Variants in FRMD4A observed in about 807,000 individuals in gnomAD.
FRMD4A encodes the protein FERM domain containing 4A.
A neutral mutation model predicts 129.1 loss-of-function variants in FRMD4A; 29 were observed. The ratio of observed to expected loss-of-function variants is 0.22; its 90% confidence interval spans 0.17 to 0.31. The LOEUF (loss-of-function observed/expected upper bound fraction) is 0.31, where lower values mean the gene tolerates loss of function less well. FRMD4A is among the 10% of genes least tolerant of loss of function. FRMD4A has a pLI of 1.00. For missense variants in FRMD4A, 1,272 were observed against 1,375.8 expected (o/e 0.92, Z 1.19); for synonymous variants, 634 against 571.6 (o/e 1.11, Z -1.56).
At chr10:14,226,405 G>A (rs1843437925) in intron 2 of FRMD4A, among the ~76,000 whole-genome samples, 1 of 152,212 alleles carries the variant, frequency 6.6e-6, no homozygotes, top group South Asian at 2.1e-4. Context: ...GTATACATCA[G>A]TGTGTTTCAG....
chr10:13,780,456 C>T (rs901635472), intron 6 of FRMD4A, among the ~76,000 whole-genome samples: 13 of 152,120 alleles, frequency 8.5e-5, no homozygotes, highest in African/African-American at 3.1e-4. Flanking sequence ...CAAAAGGAGA[C>T]ACTACAAGCT....
chr10:14,066,508 A>G (rs1588900053), intron 2 of FRMD4A, among the ~76,000 whole-genome samples: 1 of 150,644 alleles, frequency 6.6e-6, no homozygotes, highest in Non-Finnish European at 1.5e-5. Context: ...GTGAAGTTGT[A>G]TGTGTGTGTG....
At chr10:13,923,965 C>A (rs145767675) in intron 2 of FRMD4A, among the ~76,000 whole-genome samples, 1 of 152,322 alleles carries the variant, frequency 6.6e-6, no homozygotes, top group East Asian at 1.9e-4. Context: ...CAGCATGTGC[C>A]ACATGTCAAT....
rs534067701 is a variant in FRMD4A, at chr10:13,660,298, A to T, written c.1898+18T>A. The T allele has an allele frequency of 3.0e-5, 47 of 1,541,722 alleles. No individual in the cohort carries two copies. The Middle Eastern group carries it at 1.2e-3, about 39-fold the overall frequency. ...ATAGAGGGAGGCCTCATTTGGCCTC[A>T]TTCACGATGCAGCTCACCTGGAATG... On this transcript the variant is annotated intron_variant, in intron 20 of 24. Coordinates refer to ENST00000357447, the MANE Select transcript of FRMD4A (RefSeq NM_018027.5).
At chr10:14,317,211 A>G (rs1336507270) in intron 2 of FRMD4A, among the ~76,000 whole-genome samples, 1 of 152,152 alleles carries the variant, frequency 6.6e-6, no homozygotes, top group Non-Finnish European at 1.5e-5. Context: ...ACTCCTTGCC[A>G]TTTATTCTGA....
intron 2 of FRMD4A, among the ~76,000 whole-genome samples, chr10:14,092,296 A>G (rs1045899445): frequency 5.3e-5 from 8 of 152,234 alleles, no homozygotes; most frequent in Admixed American, 3.3e-4. Flanking sequence ...AGGCAGCATC[A>G]ACCTGCCTAT....
At chr10:13,712,696 A>G (rs143653507) in intron 12 of FRMD4A, among the ~76,000 whole-genome samples, 7 of 152,266 alleles carry the variant, frequency 4.6e-5, no homozygotes, top group South Asian at 2.1e-4. Flanking sequence ...GTGACTCCCA[A>G]TGCGATCACA....
In FRMD4A at chr10:13,762,959, GGTGA is replaced by G. The variant is rs373633341; in HGVS notation, c.385-283_385-280del. ...CACCGCACTCCAGCCTGGGTAATGG[GGTGA>G]GTGAGACCCTGGCTCAAAACAAACA... On this transcript the variant is annotated intron_variant, in intron 6 of 24. Coordinates refer to ENST00000357447, the MANE Select transcript of FRMD4A (RefSeq NM_018027.5). Among the ~76,000 whole-genome samples the G allele has an allele frequency of 2.8e-3, 421 of 152,144 alleles. 1 individual carries two copies. Among genetic ancestry groups the G allele is most frequent in the African/African-American group, 9.9e-3 (411 of 41,524 alleles).
intron 2 of FRMD4A, among the ~76,000 whole-genome samples, chr10:13,976,385 C>T (rs1006893367): frequency 6.6e-6 from 1 of 152,122 alleles, no homozygotes; most frequent in Non-Finnish European, 1.5e-5. Flanking sequence ...GAGGTGGGAC[C>T]TTGGCATGGC....
At chr10:13,981,311 A>G (rs540858311) in intron 2 of FRMD4A, among the ~76,000 whole-genome samples, 5 of 152,336 alleles carry the variant, frequency 3.3e-5, no homozygotes, top group African/African-American at 9.6e-5. Context: ...AGGTGAATCA[A>G]TGGGTTTAAA....
intron 2 of FRMD4A, among the ~76,000 whole-genome samples, chr10:14,029,116 T>A (rs1047215922): frequency 6.6e-6 from 1 of 152,216 alleles, no homozygotes; most frequent in African/African-American, 2.4e-5. Context: ...CACTTGTGGG[T>A]ATGTTTTTAA....
chr10:14,179,186 C>T (rs1841829560), intron 2 of FRMD4A, among the ~76,000 whole-genome samples: 1 of 152,054 alleles, frequency 6.6e-6, no homozygotes, highest in South Asian at 2.1e-4. Context: ...ATTTAGGCCC[C>T]TTAGAGTCTC....
chr10:14,085,155 A>ACTTT (rs1474733964), intron 2 of FRMD4A, among the ~76,000 whole-genome samples: 1 of 152,180 alleles, frequency 6.6e-6, no homozygotes, highest in Non-Finnish European at 1.5e-5. Flanking sequence ...TGCTCTGGAA[A>ACTTT]CTTTCATGCA....
chr10:13,807,781 G>A (rs28413059), intron 4 of FRMD4A, among the ~76,000 whole-genome samples: 2,812 of 147,628 alleles, frequency 0.019, 61 homozygotes, highest in African/African-American at 0.062. Context: ...AGAGTCACAC[G>A]TTCTATTATT....
chr10:14,099,150 G>C (rs961215180), intron 2 of FRMD4A, among the ~76,000 whole-genome samples: 7 of 152,178 alleles, frequency 4.6e-5, no homozygotes, highest in African/African-American at 1.7e-4. Flanking sequence ...CCTCCACCTC[G>C]GTCAAGCCTC....
At chr10:13,812,197 TC>T (rs1258219051) in intron 3 of FRMD4A, among the ~76,000 whole-genome samples, 2 of 152,206 alleles carry the variant, frequency 1.3e-5, no homozygotes, top group Admixed American at 6.5e-5. Flanking sequence ...GTTTCTTATT[TC>T]ACTTTTTGGG....
At chr10:14,193,475 C>T in intron 2 of FRMD4A, among the ~76,000 whole-genome samples, 1 of 139,222 alleles carries the variant, frequency 7.2e-6, no homozygotes, top group South Asian at 2.2e-4. Context: ...CCCACCCACC[C>T]ACACACACAC....
rs566582143 is a variant in FRMD4A at position 13,888,461 on chromosome 10, G to A, written c.46-29549C>T. ...AGAAATGGGTAAGGTGGGGTGAACCGATAAAAATGCAGTGTCCTGGGGAGG... is the reference window on the plus strand; with the variant it reads ...AGAAATGGGTAAGGTGGGGTGAACCAATAAAAATGCAGTGTCCTGGGGAGG... On this transcript the variant is annotated intron_variant, in intron 2 of 24. Transcript: ENST00000357447. Among the ~76,000 whole-genome samples, 191 of 152,258 alleles carry A rather than the reference G, an allele frequency of 1.3e-3. 1 individual carries two copies. Among genetic ancestry groups the A allele is most frequent in the African/African-American group, 4.3e-3 (177 of 41,558 alleles).
rs568810615 is a variant in FRMD4A at position 13,928,391 on chromosome 10, T to G, written c.46-69479A>C. On this transcript the variant is annotated intron_variant, in intron 2 of 24. Coordinates refer to ENST00000357447, the MANE Select transcript of FRMD4A (RefSeq NM_018027.5). ...TGAGCAAACCAAGTTTGTTTTTCTC[T>G]TCTACTTAAAGAAAAAATCCTAAAC... Among the ~76,000 whole-genome samples, 49 of 152,190 alleles carry G rather than the reference T, an allele frequency of 3.2e-4. 1 individual carries two copies. In the South Asian group the frequency reaches 6.4e-3, roughly 20 times the overall value.
Sources: allele counts gnomAD v4.1 joint callset (sites outside exome capture counted in the v4.1 genomes callset), GRCh38; gene constraint gnomAD v4.1.1; transcripts MANE v1.5; gene names NCBI Gene and HGNC (gene_info 2026-07-23, HGNC 2026-07-21).